Variants in WDR11 observed in about 807,000 individuals in gnomAD.
WDR11 encodes the protein WD repeat-containing protein 11.
In WDR11, 83 loss-of-function variants were observed where a neutral mutation model predicts 151.2. That is an observed-to-expected ratio of 0.55 (90% CI 0.46 to 0.66). The LOEUF is 0.66. Ranked by LOEUF, WDR11 falls within the 30% of genes least tolerant of loss-of-function variation. The pLI, the probability that WDR11 is intolerant of heterozygous loss-of-function variation, is 0.00. For missense variants in WDR11, 1,301 were observed against 1,480.9 expected, an observed-to-expected ratio of 0.88 and a Z score of 1.99; for synonymous variants, 484 against 533.1, an observed-to-expected ratio of 0.91 and a Z score of 1.27.
intron 2 of WDR11, chr10:120,856,089 T>C (rs1845935591): frequency 6.6e-6 from 1 of 152,252 alleles, no homozygotes; most frequent in Non-Finnish European, 1.5e-5. Flanking sequence ...TAGGTCCAAG[T>C]TTCAGTCTGG....
chr10:120,862,728 A>T lies in WDR11; in HGVS notation c.527-7A>T. 5 of 1,614,032 alleles carry T rather than the reference A, an allele frequency of 3.1e-6. No individual in the cohort carries two copies. Among genetic ancestry groups the T allele is most frequent in the Non-Finnish European group, 4.2e-6 (5 of 1,179,968 alleles). ...CTTTAATCAGAGTTTTGCTTTTCTC[A>T]ATATAGTGCTTACCAGCGAGGGTAT... On this transcript the variant is annotated splice_region_variant and splice_polypyrimidine_tract_variant and intron_variant, in intron 4 of 28. Transcript: ENST00000263461.
chr10:120,904,437 C>T (rs751477068), intron 24 of WDR11, among the ~76,000 whole-genome samples: 2 of 152,216 alleles, frequency 1.3e-5, no homozygotes, highest in South Asian at 2.1e-4. Flanking sequence ...GGCAATTACT[C>T]GAGCACCTAG....
chr10:120,900,172 T>C (rs760782062), intron 20 of WDR11, 35 bp downstream of exon 20: 1 of 1,562,934 alleles, frequency 6.4e-7, no homozygotes, highest in Non-Finnish European at 8.8e-7. Context: ...TTTCATAATT[T>C]ACTTGGGGTT....
In WDR11 at chr10:120,858,604, G is replaced by A. The variant is rs747198932; in HGVS notation, c.199-39G>A. 25 of 1,613,118 alleles carry A rather than the reference G, an allele frequency of 1.5e-5. No individual in the cohort carries two copies. The South Asian group carries it at 2.2e-4, about 14-fold the overall frequency. On this transcript the variant is annotated intron_variant, in intron 2 of 28. Coordinates refer to ENST00000263461, the MANE Select transcript of WDR11 (RefSeq NM_018117.12). Reference sequence around the variant, plus strand: ...TGAAAATTATGTTCTGTTTCATCCAGCGCAAGTATTTACTTGATCTGATTT... The same window carrying A: ...TGAAAATTATGTTCTGTTTCATCCAACGCAAGTATTTACTTGATCTGATTT...
intron 28 of WDR11, chr10:120,908,342 G>A: frequency 1.7e-6 from 1 of 588,888 alleles, no homozygotes; most frequent in East Asian, 3.0e-5. Flanking sequence ...GAAAGGTAAT[G>A]ATGGTACAGA....
chr10:120,904,593 G>A (rs892932745), intron 24 of WDR11, 53 bp from the exon 25 acceptor site: 11 of 1,607,750 alleles, frequency 6.8e-6, no homozygotes, highest in South Asian at 1.1e-5. Context: ...ATTTTAAAAA[G>A]TTATGTTGGA....
At chr10:120,869,702 C>G (rs1846460504) in intron 9 of WDR11, among the ~76,000 whole-genome samples, 1 of 152,162 alleles carries the variant, frequency 6.6e-6, no homozygotes, top group Non-Finnish European at 1.5e-5. Context: ...AAAAATGTGG[C>G]ATTCCCTGGA....
At chr10:120,900,960 C>T in intron 20 of WDR11, 76 bp from the exon 21 acceptor site, 1 of 1,093,686 alleles carries the variant, frequency 9.1e-7, no homozygotes. Flanking sequence ...TATATTAACA[C>T]AACTTTTTTC....
At chr10:120,887,695 C>T (rs1273629535) in intron 16 of WDR11, among the ~76,000 whole-genome samples, 1 of 152,136 alleles carries the variant, frequency 6.6e-6, no homozygotes, top group Non-Finnish European at 1.5e-5. Context: ...GACGAGGGAC[C>T]TTAGTTCTTC....
At chr10:120,903,554 T>G (rs2133813879) in intron 23 of WDR11, among the ~76,000 whole-genome samples, 1 of 136,938 alleles carries the variant, frequency 7.3e-6, no homozygotes, top group African/African-American at 2.8e-5. Flanking sequence ...TCGGTACATT[T>G]GCATTAAAAA....
At chr10:120,866,941 G>A in intron 8 of WDR11, 125 bp from the exon 9 acceptor site, 1 of 1,046,956 alleles carries the variant, frequency 9.6e-7, no homozygotes, top group Non-Finnish European at 1.4e-6. Flanking sequence ...TTTCACCTAT[G>A]GGTAAGATGA....
At chr10:120,899,868 T>C (rs1847749661) in intron 19 of WDR11, 161 bp from the exon 20 acceptor site, 1 of 648,106 alleles carries the variant, frequency 1.5e-6, no homozygotes, top group African/African-American at 1.8e-5. Flanking sequence ...TCTCTGCTCT[T>C]GGCTTGTGTT....
At chr10:120,895,721 A>G (rs1847590713) in intron 19 of WDR11, among the ~76,000 whole-genome samples, 1 of 152,184 alleles carries the variant, frequency 6.6e-6, no homozygotes, top group African/African-American at 2.4e-5. Flanking sequence ...TTGACCTCCT[A>G]CTGGTAAGGA....
chr10:120,877,456 C>G (rs528997028), intron 11 of WDR11, among the ~76,000 whole-genome samples: 7 of 152,080 alleles, frequency 4.6e-5, no homozygotes, highest in Middle Eastern at 6.8e-3. Context: ...GAAAATTTCA[C>G]AGAAATACAA....
chr10:120,889,292 C>T, intron 17 of WDR11, 108 bp downstream of exon 17: 3 of 837,392 alleles, frequency 3.6e-6, no homozygotes, highest in Non-Finnish European at 5.9e-6. Context: ...GGCTGGAGTG[C>T]AGTGGTGCAA....
At chr10:120,895,126 C>T (rs924159623) in intron 19 of WDR11, among the ~76,000 whole-genome samples, 1 of 152,122 alleles carries the variant, frequency 6.6e-6, no homozygotes, top group Non-Finnish European at 1.5e-5. Flanking sequence ...TGTATCTTTT[C>T]GTTTGTTCAT....
chr10:120,880,720 A>C, intron 12 of WDR11, 106 bp from the exon 13 acceptor site: 1 of 951,776 alleles, frequency 1.1e-6, no homozygotes, highest in Non-Finnish European at 1.6e-6. Flanking sequence ...ATAGGAGAAC[A>C]GAGGGTAGGA....
chr10:120,881,731 TTA>T (rs1361149245), intron 13 of WDR11, among the ~76,000 whole-genome samples: 1 of 152,186 alleles, frequency 6.6e-6, no homozygotes, highest in Non-Finnish European at 1.5e-5. Context: ...CATGCTAAGC[TTA>T]GTTATTACTT....
intron 21 of WDR11, 152 bp from the exon 22 acceptor site, chr10:120,902,105 T>G (rs1404549853): frequency 1.4e-6 from 1 of 722,788 alleles, no homozygotes; most frequent in African/African-American, 1.8e-5. Context: ...CTTTTATAAT[T>G]TCAGGGTCAT....
Sources: allele counts gnomAD v4.1 joint callset (sites outside exome capture counted in the v4.1 genomes callset), GRCh38; gene constraint gnomAD v4.1.1; transcripts MANE v1.5; gene names NCBI Gene and HGNC (gene_info 2026-07-23, HGNC 2026-07-21).